ARHGAP12: variants seen among roughly 807,000 people sequenced by gnomAD.
ARHGAP12 encodes Rho GTPase activating protein 12, also known as rho GTPase-activating protein 12.
A neutral mutation model predicts 108.6 loss-of-function variants in ARHGAP12; 64 were observed. The observed-to-expected ratio is 0.59, with a 90% CI of 0.48 to 0.73. The LOEUF is 0.73. Ranked by LOEUF, ARHGAP12 falls within the 30% of genes least tolerant of loss-of-function variation. The pLI, the probability that ARHGAP12 is intolerant of heterozygous loss-of-function variation, is 0.00. For missense variants in ARHGAP12, 940 were observed against 1,005.9 expected, an observed-to-expected ratio of 0.93 and a Z score of 0.89; for synonymous variants, 312 against 337.2, an observed-to-expected ratio of 0.93 and a Z score of 0.82.
chr10:31,841,369 C>A (rs984116199), intron 7 of ARHGAP12, among the ~76,000 whole-genome samples: 1 of 152,098 alleles, frequency 6.6e-6, no homozygotes, highest in Non-Finnish European at 1.5e-5. Context: ...AATAGATGGT[C>A]CTTGACTTAT....
intron 11 of ARHGAP12, among the ~76,000 whole-genome samples, chr10:31,823,027 T>C (rs1034163664): frequency 6.6e-6 from 1 of 152,074 alleles, no homozygotes; most frequent in Non-Finnish European, 1.5e-5. Context: ...TATTTATGGG[T>C]TGATTTTTTA....
At chr10:31,817,755 G>T in intron 13 of ARHGAP12, 33 bp downstream of exon 13, 4 of 1,396,796 alleles carry the variant, frequency 2.9e-6, no homozygotes, top group Non-Finnish European at 2.9e-6. Flanking sequence ...AAACAGCTCT[G>T]AAGTAAAAAT....
intron 1 of ARHGAP12, among the ~76,000 whole-genome samples, chr10:31,922,586 A>G (rs1839869688): frequency 6.6e-6 from 1 of 152,040 alleles, no homozygotes; most frequent in African/African-American, 2.4e-5. Context: ...TTCTTGAAAG[A>G]TACAAATAAC....
chr10:31,926,768 GAA>G (rs1316501674), intron 1 of ARHGAP12, among the ~76,000 whole-genome samples: 1 of 152,008 alleles, frequency 6.6e-6, no homozygotes, highest in Non-Finnish European at 1.5e-5. Context: ...TCTAATTAAA[GAA>G]AAGTCAAATG....
chr10:31,873,320 C>T (rs976291306), intron 3 of ARHGAP12, among the ~76,000 whole-genome samples: 1 of 152,110 alleles, frequency 6.6e-6, no homozygotes, highest in African/African-American at 2.4e-5. Flanking sequence ...ATCTATATTT[C>T]GATTTCTTAA....
chr10:31,815,947 C>T (rs1043105114), intron 13 of ARHGAP12, among the ~76,000 whole-genome samples: 5 of 152,168 alleles, frequency 3.3e-5, no homozygotes, highest in Admixed American at 2.0e-4. Flanking sequence ...GTGAGGAATT[C>T]GAGACCAGCC....
At chr10:31,923,616 G>C (rs1839911467) in intron 1 of ARHGAP12, among the ~76,000 whole-genome samples, 1 of 152,206 alleles carries the variant, frequency 6.6e-6, no homozygotes, top group African/African-American at 2.4e-5. Flanking sequence ...ACGAACTGTT[G>C]ATACACACAG....
chr10:31,898,678 A>G lies in ARHGAP12; in HGVS notation c.684+9494T>C, dbSNP rs776944716. Among the ~76,000 whole-genome samples the G allele has an allele frequency of 2.0e-5, 3 of 152,218 alleles. No individual in the cohort carries two copies. In the South Asian group the frequency reaches 6.2e-4, roughly 32 times the overall value. Reference sequence around the variant, plus strand: ...GTACCTTTTCTATGTTTAGATACACAAATACTTAGCACTGTGTTATAACTG... The same window carrying G: ...GTACCTTTTCTATGTTTAGATACACGAATACTTAGCACTGTGTTATAACTG... On this transcript the variant is annotated intron_variant, in intron 3 of 19. Transcript: ENST00000344936.
chr10:31,815,082 T>C (rs963714150), intron 13 of ARHGAP12, among the ~76,000 whole-genome samples: 4 of 146,282 alleles, frequency 2.7e-5, no homozygotes, highest in African/African-American at 1.0e-4. Context: ...GATCGCGCCA[T>C]TGCAGTCTAG....
chr10:31,862,493 GA>G (rs1398440871), intron 3 of ARHGAP12, among the ~76,000 whole-genome samples: 2 of 151,696 alleles, frequency 1.3e-5, no homozygotes, highest in Non-Finnish European at 2.9e-5. Flanking sequence ...AGTTGCTGAA[GA>G]AAAAAAACAC....
At chr10:31,893,342 C>T (rs994945024) in intron 3 of ARHGAP12, among the ~76,000 whole-genome samples, 6 of 152,042 alleles carry the variant, frequency 3.9e-5, no homozygotes, top group Non-Finnish European at 8.8e-5. Flanking sequence ...AATTGATAGA[C>T]TGCTAGCAAG....
At chr10:31,877,519 T>C (rs1390778882) in intron 3 of ARHGAP12, among the ~76,000 whole-genome samples, 1 of 152,222 alleles carries the variant, frequency 6.6e-6, no homozygotes, top group Non-Finnish European at 1.5e-5. Context: ...AGCTGGCTAG[T>C]AAGCTATTGT....
chr10:31,870,878 T>A (rs1363912166), intron 3 of ARHGAP12, among the ~76,000 whole-genome samples: 1 of 152,230 alleles, frequency 6.6e-6, no homozygotes, highest in Non-Finnish European at 1.5e-5. Flanking sequence ...TAGAGTACAC[T>A]GATATTTTCA....
At chr10:31,882,857 T>C (rs1054231018) in intron 3 of ARHGAP12, among the ~76,000 whole-genome samples, 2 of 151,074 alleles carry the variant, frequency 1.3e-5, no homozygotes, top group African/African-American at 4.9e-5. Context: ...GGCAAGACTT[T>C]GCATTTTATC....
At chr10:31,928,404 C>T (rs1255538990) in intron 1 of ARHGAP12, among the ~76,000 whole-genome samples, 1 of 151,750 alleles carries the variant, frequency 6.6e-6, no homozygotes, top group South Asian at 2.1e-4. Context: ...GAAGCCACAA[C>T]TTCGGGCCAT....
intron 6 of ARHGAP12, among the ~76,000 whole-genome samples, chr10:31,849,218 C>T (rs1836579795): frequency 6.6e-6 from 1 of 151,964 alleles, no homozygotes; most frequent in Non-Finnish European, 1.5e-5. Flanking sequence ...TCTCTCTCTC[C>T]ATTTACTCTC....
chr10:31,927,754 G>A lies in ARHGAP12; in HGVS notation c.-111+929C>T, dbSNP rs555836411. Among the ~76,000 whole-genome samples the A allele has an allele frequency of 4.9e-4, 74 of 152,264 alleles. 1 individual carries two copies. The South Asian group carries it at 0.015, about 31-fold the overall frequency. ...TGCAGTCAAAAGGAAAACATCACAC[G>A]CCTCGAAAGCTGAAGGGCGTGCCTT... On this transcript the variant is annotated intron_variant, in intron 1 of 19. Transcript: ENST00000344936.
At chr10:31,878,298 T>C (rs927428996) in intron 3 of ARHGAP12, among the ~76,000 whole-genome samples, 9 of 152,196 alleles carry the variant, frequency 5.9e-5, no homozygotes, top group African/African-American at 2.2e-4. Flanking sequence ...ACAATCATAA[T>C]AGGGACAGGC....
intron 1 of ARHGAP12, among the ~76,000 whole-genome samples, chr10:31,917,953 C>T (rs1000119057): frequency 5.4e-5 from 8 of 146,958 alleles, no homozygotes; most frequent in African/African-American, 1.5e-4. Flanking sequence ...TATCAAATAC[C>T]TTTTTTTTTT....
Sources: gnomAD v4.1 joint callset for allele counts (sites outside exome capture counted in the v4.1 genomes callset) on GRCh38, gnomAD v4.1.1 for gene constraint, MANE v1.5 for transcripts, NCBI Gene and HGNC (gene_info 2026-07-23, HGNC 2026-07-21) for gene names.